The following ERC2 variants were observed in gnomAD, a reference collection of about 807,000 sequenced individuals.
ERC2 encodes the protein ERC protein 2.
ERC2 carries 42 observed loss-of-function variants against 114.8 expected under a neutral mutation model. That is an observed-to-expected ratio of 0.37 (90% CI 0.29 to 0.47). ERC2 has a LOEUF of 0.47. Among genes scored for constraint, ERC2 ranks in the 20% least tolerant of loss-of-function variants. ERC2 has a pLI of 0.99. For missense variants in ERC2, 939 were observed against 1,150.7 expected, an observed-to-expected ratio of 0.82 and a Z score of 2.66; for synonymous variants, 454 against 425.5, an observed-to-expected ratio of 1.07 and a Z score of -0.82.
chr3:55,699,427 C>T lies in ERC2; in HGVS notation c.2798G>A (p.Arg933Gln), dbSNP rs776187868. ...YHHHHHHHHH[R>Q]SPGRSQHSNH... ...GGAATGTTGCGACCTCCCAGGAGAT[C>T]GATGGTGGTGGTGATGGTGGTGGTG... Residue 933 changes from arginine to glutamine, a missense_variant, in exon 16 of 18, where the codon CGA (arginine) becomes CAA (glutamine). By Grantham distance (43) the Arg-to-Gln change is conservative. This residue lies in a region of ERC2 where 328 missense variants were observed against 353.9 expected (regional missense o/e 0.93). Transcript: ENST00000288221. 1.5e-5 allele frequency: 25 copies of T among 1,613,448 alleles called. No homozygotes were observed. Among genetic ancestry groups the T allele is most frequent in the Middle Eastern group, 1.6e-4 (1 of 6,080 alleles).
chr3:55,725,335 G>A (rs2064844312), intron 15 of ERC2, among the ~76,000 whole-genome samples: 2 of 152,132 alleles, frequency 1.3e-5, no homozygotes, highest in Non-Finnish European at 2.9e-5. Flanking sequence ...AGCAATACTT[G>A]TACTGGGATC....
At chr3:55,853,555 C>A (rs578110054) in intron 14 of ERC2, among the ~76,000 whole-genome samples, 1 of 152,134 alleles carries the variant, frequency 6.6e-6, no homozygotes, top group South Asian at 2.1e-4. Context: ...AAAGAAAGCA[C>A]TAGCACTCAG....
intron 3 of ERC2, among the ~76,000 whole-genome samples, chr3:56,233,813 C>A (rs116702533): frequency 0.032 from 4,813 of 152,230 alleles, 79 homozygotes; most frequent in Middle Eastern, 0.071. Context: ...CATCGACCAT[C>A]TTCAAAGCCA....
intron 14 of ERC2, among the ~76,000 whole-genome samples, chr3:55,758,233 G>A (rs566729300): frequency 6.6e-5 from 10 of 152,266 alleles, no homozygotes; most frequent in Admixed American, 3.3e-4. Context: ...CTGTATCTAC[G>A]AAATTATTAA....
At chr3:55,633,658 TTGCAAACACTG>T (rs2059843642) in intron 17 of ERC2, among the ~76,000 whole-genome samples, 1 of 152,196 alleles carries the variant, frequency 6.6e-6, no homozygotes, top group African/African-American at 2.4e-5. Context: ...TGCCTGCTAT[TTGCAAACACTG>T]GCCTAGACTC....
At chr3:56,148,563 A>T (rs2149947941) in intron 5 of ERC2, among the ~76,000 whole-genome samples, 1 of 152,342 alleles carries the variant, frequency 6.6e-6, no homozygotes, top group South Asian at 2.1e-4. Flanking sequence ...ATAACATTTA[A>T]ATGAGTTAAA....
intron 17 of ERC2, among the ~76,000 whole-genome samples, chr3:55,538,429 C>A (rs914635841): frequency 6.6e-6 from 1 of 152,218 alleles, no homozygotes; most frequent in Admixed American, 6.5e-5. Flanking sequence ...ACATCTCCAG[C>A]CTCAACTCGG....
At chr3:55,771,855 G>A (rs1251355191) in intron 14 of ERC2, among the ~76,000 whole-genome samples, 6 of 152,204 alleles carry the variant, frequency 3.9e-5, no homozygotes, top group Non-Finnish European at 7.3e-5. Context: ...CACACAGGAT[G>A]TCTGTAATTA....
At chr3:56,324,600 G>A (rs144985703) in intron 2 of ERC2, among the ~76,000 whole-genome samples, 262 of 152,198 alleles carry the variant, frequency 1.7e-3, no homozygotes, top group Middle Eastern at 6.8e-3. Context: ...GGGCCTTCAT[G>A]CATCTTCAAG....
intron 3 of ERC2, among the ~76,000 whole-genome samples, chr3:56,270,775 T>A (rs554917164): frequency 6.6e-6 from 1 of 152,086 alleles, no homozygotes; most frequent in Non-Finnish European, 1.5e-5. Flanking sequence ...GTCAGGAGAT[T>A]GAGACCATCC....
At chr3:55,953,204 C>A (rs1249038971) in intron 12 of ERC2, among the ~76,000 whole-genome samples, 26 of 140,532 alleles carry the variant, frequency 1.9e-4, no homozygotes, top group East Asian at 4.2e-4. Flanking sequence ...AACTCCATCT[C>A]AAAAAAAAAA....
intron 2 of ERC2, among the ~76,000 whole-genome samples, chr3:56,408,776 C>T (rs1015324546): frequency 6.6e-6 from 1 of 152,220 alleles, no homozygotes; most frequent in Non-Finnish European, 1.5e-5. Flanking sequence ...GAGAAGGGCT[C>T]CCCGAGTGGG....
intron 3 of ERC2, among the ~76,000 whole-genome samples, chr3:56,175,628 G>A (rs1039994527): frequency 1.3e-5 from 2 of 152,086 alleles, no homozygotes; most frequent in Non-Finnish European, 2.9e-5. Flanking sequence ...GGTGAGTACA[G>A]TAGGCTGCTG....
intron 2 of ERC2, among the ~76,000 whole-genome samples, chr3:56,336,207 G>A (rs750605902): frequency 2.0e-5 from 3 of 152,122 alleles, no homozygotes; most frequent in Non-Finnish European, 2.9e-5. Context: ...GTGTGGCCCC[G>A]GGCAAGTTAC....
At chr3:56,274,136 C>T (rs866049121) in intron 3 of ERC2, among the ~76,000 whole-genome samples, 2 of 152,186 alleles carry the variant, frequency 1.3e-5, no homozygotes, top group Non-Finnish European at 1.5e-5. Context: ...GGAGCATTAC[C>T]GCCTGAGCTC....
intron 2 of ERC2, 136 bp from the exon 3 acceptor site, chr3:56,296,571 C>G (rs2055453504): frequency 1.1e-6 from 1 of 875,208 alleles, no homozygotes; most frequent in Admixed American, 2.9e-5. Context: ...CCATGAATTC[C>G]TCCACGGTGA....
intron 17 of ERC2, among the ~76,000 whole-genome samples, chr3:55,570,190 A>C (rs1390270774): frequency 6.6e-6 from 1 of 151,926 alleles, no homozygotes; most frequent in Non-Finnish European, 1.5e-5. Flanking sequence ...GAGTCTCTCC[A>C]TTTCTCCCAG....
chr3:56,317,989 G>C (rs1210765597), intron 2 of ERC2, among the ~76,000 whole-genome samples: 1 of 152,184 alleles, frequency 6.6e-6, no homozygotes, highest in Non-Finnish European at 1.5e-5. Flanking sequence ...ATTCCTAAGG[G>C]TCTATAAGAA....
chr3:56,077,762 T>C (rs2077042971), intron 7 of ERC2, among the ~76,000 whole-genome samples: 1 of 152,206 alleles, frequency 6.6e-6, no homozygotes. Flanking sequence ...CATTAATTAT[T>C]TTATTATATA....
Sources: gnomAD v4.1 joint callset for allele counts (sites outside exome capture counted in the v4.1 genomes callset) on GRCh38, gnomAD v4.1.1 for gene constraint, gnomAD v4.1.1 regional missense constraint, MANE v1.5 for transcripts, NCBI Gene and HGNC (gene_info 2026-07-23, HGNC 2026-07-21) for gene names.